Variants in SRC observed in about 807,000 individuals in gnomAD.
The protein encoded by SRC is proto-oncogene tyrosine-protein kinase Src.
SRC carries 13 observed loss-of-function variants against 62.9 expected under a neutral mutation model. That is an observed-to-expected ratio of 0.21 (90% confidence interval 0.13 to 0.33). SRC has a LOEUF of 0.33. Ranked by LOEUF, SRC falls within the 10% of genes least tolerant of loss-of-function variation. The pLI is 1.00. For synonymous variants in SRC, 302 were observed against 317.5 expected, an observed-to-expected ratio of 0.95 and a Z score of 0.52; for missense variants, 457 against 737.3, an observed-to-expected ratio of 0.62 and a Z score of 4.40.
At chr20:37,352,337 G>T (rs1244223652) in intron 1 of SRC, among the ~76,000 whole-genome samples, 1 of 152,236 alleles carries the variant, frequency 6.6e-6, no homozygotes, top group Non-Finnish European at 1.5e-5. Flanking sequence ...GCCTCTGCAG[G>T]CCAACTGATC....
chr20:37,361,184 G>T (rs1568621348), intron 1 of SRC, among the ~76,000 whole-genome samples: 1 of 152,172 alleles, frequency 6.6e-6, no homozygotes, highest in South Asian at 2.1e-4. Context: ...GGGTAGTTAC[G>T]AGTTTAAGGG....
chr20:37,389,857 C>A (rs2070517757), intron 5 of SRC, among the ~76,000 whole-genome samples: 1 of 152,150 alleles, frequency 6.6e-6, no homozygotes, highest in Non-Finnish European at 1.5e-5. Flanking sequence ...TTCTTCTAGC[C>A]ATGGGTGGGA....
chr20:37,393,155 C>CTG (rs2070581598), intron 5 of SRC, among the ~76,000 whole-genome samples: 3 of 152,208 alleles, frequency 2.0e-5, no homozygotes, highest in African/African-American at 7.2e-5. Context: ...GGGGCTCTGC[C>CTG]ACCTCACCCC....
chr20:37,349,377 C>A (rs1467963992), intron 1 of SRC, among the ~76,000 whole-genome samples: 1 of 151,980 alleles, frequency 6.6e-6, no homozygotes. Flanking sequence ...GGGGTCAGCC[C>A]GAGAGATGGG....
intron 2 of SRC, among the ~76,000 whole-genome samples, chr20:37,378,251 C>T (rs2070307407): frequency 6.7e-6 from 1 of 149,090 alleles, no homozygotes; most frequent in South Asian, 2.1e-4. Flanking sequence ...CAGCCTCAAA[C>T]TCCAGGGCTC....
At position 37,396,438 on chromosome 20, in the gene SRC, C is replaced by T; in HGVS notation, c.703+127C>T. On this transcript the variant is annotated intron_variant, in intron 8 of 13. Transcript: ENST00000373578. The surrounding 1 kb of genome is among the most constrained non-coding windows in gnomAD (Gnocchi z 6.1). Reference sequence around the variant, plus strand: ...TGCTTCTCTCCCCACTTCCCCCTCCCCCCTCCCTTCCTCTCTCCTCCCTTT... The same window carrying T: ...TGCTTCTCTCCCCACTTCCCCCTCCTCCCTCCCTTCCTCTCTCCTCCCTTT... The T allele has an allele frequency of 2.8e-6, 3 of 1,074,276 alleles. No individual in the cohort carries two copies. The highest frequency in any genetic ancestry group is 4.0e-6 in the Non-Finnish European group (3 of 757,516). 66.5% of individuals were successfully genotyped at this position (1,074,276 alleles called of 1,614,324 possible). A position where few individuals can be genotyped will look rare whatever the true frequency, so the allele number is the denominator to read the frequency against.
At chr20:37,359,632 G>T (rs1406965397) in intron 1 of SRC, among the ~76,000 whole-genome samples, 2 of 152,200 alleles carry the variant, frequency 1.3e-5, no homozygotes, top group Admixed American at 6.5e-5. Context: ...GGGGCCAGGG[G>T]AACAGAGTGA....
rs769322768 is a variant in SRC, at chr20:37,392,652, C to T, written c.351-1243C>T. ...AGGAGCCTGGGCCTGGCTGTGTGAC[C>T]TTGAGCAAAGAGGCCTTTGCTTCTC... On this transcript the variant is annotated intron_variant, in intron 5 of 13. Transcript: ENST00000373578. Among the ~76,000 whole-genome samples, 4 of 152,278 alleles carry T rather than the reference C, an allele frequency of 2.6e-5. No individual in the cohort carries two copies. The South Asian group carries it at 6.2e-4, about 24-fold the overall frequency.
intron 2 of SRC, among the ~76,000 whole-genome samples, chr20:37,378,006 A>G (rs1354316336): frequency 6.6e-6 from 1 of 151,872 alleles, no homozygotes; most frequent in Non-Finnish European, 1.5e-5. Flanking sequence ...CACCTCAGTT[A>G]TCATTCCTTT....
At chr20:37,389,668 G>A (rs2070513966) in intron 5 of SRC, among the ~76,000 whole-genome samples, 1 of 152,182 alleles carries the variant, frequency 6.6e-6, no homozygotes, top group African/African-American at 2.4e-5. Flanking sequence ...GCCCACGCTG[G>A]CACATGTCCC....
At chr20:37,392,461 A>G (rs566400876) in intron 5 of SRC, among the ~76,000 whole-genome samples, 19 of 152,258 alleles carry the variant, frequency 1.2e-4, no homozygotes, top group Non-Finnish European at 2.5e-4. Context: ...GACTGTAGGC[A>G]AGGGCCTTTC....
chr20:37,349,011 G>T lies in SRC; in HGVS notation c.-247+2756G>T, dbSNP rs185957256. Among the ~76,000 whole-genome samples, 15 of 152,314 alleles carry T rather than the reference G, an allele frequency of 9.8e-5. No homozygotes were observed. The East Asian group carries it at 2.9e-3, about 29-fold the overall frequency. On this transcript the variant is annotated intron_variant, in intron 1 of 13. Transcript: ENST00000373578. ...AGTGGGTAAGAGGTAGAATGAGGGG[G>T]TGTATCAGCAGGGCTGGACCATGCT...
chr20:37,394,386 C>T (rs2070604867), intron 7 of SRC, 109 bp downstream of exon 7: 1 of 920,788 alleles, frequency 1.1e-6, no homozygotes, highest in Non-Finnish European at 1.7e-6. Flanking sequence ...AGGGAAGAAC[C>T]TTCCGGGTGG....
chr20:37,380,993 C>T (rs2070358014), intron 2 of SRC, among the ~76,000 whole-genome samples: 1 of 152,038 alleles, frequency 6.6e-6, no homozygotes, highest in African/African-American at 2.4e-5. Context: ...ACGGATTCTC[C>T]CAGCAGTCCT....
intron 2 of SRC, among the ~76,000 whole-genome samples, chr20:37,382,073 G>A (rs756475552): frequency 6.6e-5 from 10 of 152,192 alleles, no homozygotes; most frequent in Non-Finnish European, 8.8e-5. Flanking sequence ...AGCCTTGCCC[G>A]AGGACCCAGC....
At chr20:37,346,072 G>GGCCGCCGCC (rs1373660810), upstream of SRC, 1 of 153,950 alleles carries the variant, frequency 6.5e-6, no homozygotes, top group African/African-American at 2.4e-5. Flanking sequence ...CCCCTCCCCG[G>GGCCGCCGCC]GCCGCCGCCG....
chr20:37,395,304 T>C (rs1007067321), intron 7 of SRC, among the ~76,000 whole-genome samples: 2 of 152,234 alleles, frequency 1.3e-5, no homozygotes, highest in African/African-American at 4.8e-5. Flanking sequence ...GGGAGGTCTG[T>C]GGGCTAGGAT....
intron 2 of SRC, among the ~76,000 whole-genome samples, chr20:37,380,865 C>A (rs1382503173): frequency 6.6e-6 from 1 of 151,302 alleles, no homozygotes; most frequent in Non-Finnish European, 1.5e-5. Flanking sequence ...TTTTTCTTTT[C>A]TTTTTTTTTA....
chr20:37,393,698 G>T (rs1341340645), intron 5 of SRC, 197 bp from the exon 6 acceptor site: 31 of 565,290 alleles, frequency 5.5e-5, no homozygotes, highest in South Asian at 1.5e-4. Context: ...TGGCAAAAAG[G>T]CGTCTGCGCC....
Sources: allele counts gnomAD v4.1 joint callset (sites outside exome capture counted in the v4.1 genomes callset), GRCh38; gene constraint gnomAD v4.1.1; non-coding constraint Gnocchi (gnomAD v3.1); transcripts MANE v1.5; gene names NCBI Gene and HGNC (gene_info 2026-07-23, HGNC 2026-07-21).